Variants in PIEZO2 observed in about 807,000 individuals in gnomAD.
The protein encoded by PIEZO2 is piezo type mechanosensitive ion channel component 2.
Under a neutral mutation model 337.3 loss-of-function variants are expected in PIEZO2, and 172 were observed. That is an observed-to-expected ratio of 0.51 (90% CI 0.45 to 0.58). The LOEUF is 0.58. Ranked by LOEUF, PIEZO2 falls within the 20% of genes least tolerant of loss-of-function variation. PIEZO2 has a pLI of 0.00. For synonymous variants in PIEZO2, 1,251 were observed against 1,228.5 expected, an observed-to-expected ratio of 1.02 and a Z score of -0.38; for missense variants, 3,028 against 3,391.3, an observed-to-expected ratio of 0.89 and a Z score of 2.66.
intron 24 of PIEZO2, among the ~76,000 whole-genome samples, chr18:10,760,636 C>A (rs1477044897): frequency 6.6e-6 from 1 of 152,174 alleles, no homozygotes; most frequent in East Asian, 1.9e-4. Flanking sequence ...TAATAAGAAA[C>A]CTGTTAACAC....
intron 1 of PIEZO2, among the ~76,000 whole-genome samples, chr18:11,073,844 A>C (rs2038430106): frequency 7.4e-6 from 1 of 135,578 alleles, no homozygotes; most frequent in Admixed American, 8.6e-5. Flanking sequence ...ACAAATAACA[A>C]CTGCTTTTTT....
At chr18:11,089,109 G>C (rs1228525875) in intron 1 of PIEZO2, among the ~76,000 whole-genome samples, 1 of 152,134 alleles carries the variant, frequency 6.6e-6, no homozygotes, top group Non-Finnish European at 1.5e-5. Flanking sequence ...ACTGGCCACA[G>C]GTCAGAATCT....
At chr18:10,858,844 T>C (rs1379549542) in intron 5 of PIEZO2, among the ~76,000 whole-genome samples, 1 of 152,142 alleles carries the variant, frequency 6.6e-6, no homozygotes, top group Non-Finnish European at 1.5e-5. Context: ...GATTTAATCC[T>C]GGGCCACTTC....
intron 2 of PIEZO2, among the ~76,000 whole-genome samples, chr18:11,057,498 G>A (rs535669985): frequency 6.1e-4 from 93 of 152,214 alleles, no homozygotes; most frequent in African/African-American, 2.2e-3. Context: ...TGATTTTCTG[G>A]TTCTCTGTTA....
chr18:11,039,186 T>A (rs2037025313), intron 2 of PIEZO2, among the ~76,000 whole-genome samples: 1 of 152,152 alleles, frequency 6.6e-6, no homozygotes, highest in Non-Finnish European at 1.5e-5. Flanking sequence ...TCTGCATGCA[T>A]AAAATCCCTC....
Position 11,092,728 on chromosome 18 carries a change from G to A in PIEZO2, c.65-26506C>T, listed in dbSNP as rs367672460. Reference sequence around the variant, plus strand: ...CAAACCAAGAAAGAGGGTCACAAATGAGTTGCAGCCTTGCCTTTTAGTAAT... The same window carrying A: ...CAAACCAAGAAAGAGGGTCACAAATAAGTTGCAGCCTTGCCTTTTAGTAAT... On this transcript the variant is annotated intron_variant, in intron 1 of 55. Transcript: ENST00000674853. The surrounding 1 kb of genome is among the most constrained non-coding windows in gnomAD (Gnocchi z 4.5). Among the ~76,000 whole-genome samples the A allele has an allele frequency of 9.9e-5, 15 of 152,284 alleles. No homozygotes were observed. The highest frequency in any genetic ancestry group is 9.6e-4 in the East Asian group (5 of 5,184).
chr18:10,840,440 G>C (rs868267480), intron 7 of PIEZO2, among the ~76,000 whole-genome samples: 10 of 152,004 alleles, frequency 6.6e-5, no homozygotes, highest in South Asian at 4.2e-4. Flanking sequence ...CGTTAGAGCT[G>C]GTCCTTTTTT....
rs1481535126 is a variant in PIEZO2, at chr18:10,670,348, A to G, written c.*1179T>C. On this transcript the variant is annotated 3_prime_UTR_variant, in exon 56 of 56. Transcript: ENST00000674853. ...GTCCATTCAATGATTCTTCTCAGAA[A>G]CTGTATCTTAATATGGAATGAAAAC... The G allele has an allele frequency of 6.6e-6, 1 of 152,216 alleles. No homozygotes were observed. The highest frequency in any genetic ancestry group is 1.5e-5 in the Non-Finnish European group (1 of 68,044). The allele number at this position is 152,216 out of a possible 1,614,324, so 9.4% of individuals were successfully genotyped here.
chr18:10,922,761 G>A (rs146202937), intron 3 of PIEZO2, among the ~76,000 whole-genome samples: 1 of 152,076 alleles, frequency 6.6e-6, no homozygotes, highest in Non-Finnish European at 1.5e-5. Context: ...AGGCAAGCTG[G>A]CTGACCGTAT....
intron 3 of PIEZO2, among the ~76,000 whole-genome samples, chr18:10,912,971 A>C (rs1027250711): frequency 6.6e-6 from 1 of 152,080 alleles, no homozygotes; most frequent in African/African-American, 2.4e-5. Context: ...GGAGTAAAAA[A>C]AAAAACACAG....
At chr18:11,079,296 C>T (rs761096969) in intron 1 of PIEZO2, among the ~76,000 whole-genome samples, 3 of 152,164 alleles carry the variant, frequency 2.0e-5, no homozygotes, top group Non-Finnish European at 4.4e-5. Context: ...GTAGGTATGA[C>T]TCAAGAGCCC....
rs947937469 is a variant in PIEZO2 at position 10,705,577 on chromosome 18, C to T, written c.5758G>A (p.Ala1920Thr). 2 of 1,537,100 alleles carry T rather than the reference C, an allele frequency of 1.3e-6. No individual in the cohort carries two copies. The highest frequency in any genetic ancestry group is 1.7e-6 in the Non-Finnish European group (2 of 1,146,906). ...YDVGAMGAEE[A>T]SLTPEEELTQ... ...AGCTCTTCCTCTGGGGTGAGGCTGGCCTCCTCGGCACCCATGGCTCCCACA... is the reference window on the plus strand; with the variant it reads ...AGCTCTTCCTCTGGGGTGAGGCTGGTCTCCTCGGCACCCATGGCTCCCACA... The change falls in exon 41 of 56, where the codon GCC (alanine) becomes ACC (threonine). Residue 1920 changes from alanine (A) to threonine (T), a missense_variant. Coordinates refer to ENST00000674853, the MANE Select transcript of PIEZO2 (RefSeq NM_001378183.1).
At chr18:10,721,019 AATTT>A (rs2036288857) in intron 36 of PIEZO2, among the ~76,000 whole-genome samples, 1 of 152,178 alleles carries the variant, frequency 6.6e-6, no homozygotes, top group South Asian at 2.1e-4. Flanking sequence ...GTCCCACATT[AATTT>A]ATCTCTACTT....
rs550173002 is a variant in PIEZO2, at chr18:10,973,471, A to G, written c.286+6064T>C. ...TCAATCACCAGGGGTGGAAGAAAAC[A>G]GCACTTAAGGCAAAGTTCTCCTATA... On this transcript the variant is annotated intron_variant, in intron 3 of 55. Coordinates refer to ENST00000674853, the MANE Select transcript of PIEZO2 (RefSeq NM_001378183.1). The surrounding 1 kb of genome is among the most constrained non-coding windows in gnomAD (Gnocchi z 4.9). Among the ~76,000 whole-genome samples, 10 of 152,390 alleles carry G rather than the reference A, an allele frequency of 6.6e-5. No homozygotes were observed. The highest frequency in any genetic ancestry group is 2.4e-4 in the African/African-American group (10 of 41,594).
In PIEZO2 at chr18:10,767,269, T is replaced by G. The variant is rs947309259; in HGVS notation, c.2946+2879A>C. On this transcript the variant is annotated intron_variant, in intron 21 of 55. Transcript: ENST00000674853. This position sits in a 1 kb window ranked among gnomAD's most constrained non-coding sequence, Gnocchi z 4.2. ...GATGCTGATGGAAAATAAAGGTTTCTCTGTTTCTTTTCCAGCAACTTCTTC... is the reference window on the plus strand; with the variant it reads ...GATGCTGATGGAAAATAAAGGTTTCGCTGTTTCTTTTCCAGCAACTTCTTC... 6.6e-6 allele frequency among the ~76,000 whole-genome samples: 1 copy of G among 152,240 alleles called. No homozygotes were observed. The highest frequency in any genetic ancestry group is 2.4e-5 in the African/African-American group (1 of 41,462).
At chr18:10,987,764 G>A (rs2034935706) in intron 2 of PIEZO2, among the ~76,000 whole-genome samples, 1 of 151,912 alleles carries the variant, frequency 6.6e-6, no homozygotes, top group Non-Finnish European at 1.5e-5. Context: ...GTAATATAGG[G>A]AATTGGAGAC....
At position 10,715,555 on chromosome 18, in the gene PIEZO2, G is replaced by A; in HGVS notation, c.5256+95C>T. 4.3e-6 allele frequency: 5 copies of A among 1,162,086 alleles called. No homozygotes were observed. In the South Asian group the frequency reaches 1.1e-4, roughly 24 times the overall value. The allele number at this position is 1,162,086 out of a possible 1,614,324, so 72.0% of individuals were successfully genotyped here. On this transcript the variant is annotated intron_variant, in intron 38 of 55. Coordinates refer to ENST00000674853, the MANE Select transcript of PIEZO2 (RefSeq NM_001378183.1). Reference sequence around the variant, plus strand: ...TATGCCACAACTGCCTGGAAAGAAAGGGCTTTGTCTTATCCTACCTGGAGT... The same window carrying A: ...TATGCCACAACTGCCTGGAAAGAAAAGGCTTTGTCTTATCCTACCTGGAGT...
At chr18:10,912,176 T>G (rs2030541271) in intron 3 of PIEZO2, among the ~76,000 whole-genome samples, 1 of 152,162 alleles carries the variant, frequency 6.6e-6, no homozygotes, top group South Asian at 2.1e-4. Flanking sequence ...AAAAAGATGT[T>G]ATACAATTTT....
At chr18:11,055,210 C>CG (rs2037681450) in intron 2 of PIEZO2, among the ~76,000 whole-genome samples, 1 of 79,848 alleles carries the variant, frequency 1.3e-5, no homozygotes, top group Non-Finnish European at 2.3e-5. Flanking sequence ...GACTCTGTCT[C>CG]AAAAAAAAAA....
Sources: gnomAD v4.1 joint callset for allele counts (sites outside exome capture counted in the v4.1 genomes callset) on GRCh38, gnomAD v4.1.1 for gene constraint, Gnocchi (gnomAD v3.1) non-coding constraint, MANE v1.5 for transcripts, NCBI Gene and HGNC (gene_info 2026-07-23, HGNC 2026-07-21) for gene names.